Variants in MED13 observed in about 807,000 individuals in gnomAD.
MED13 encodes the protein mediator complex subunit 13, also known as mediator of RNA polymerase II transcription subunit 13.
Under a neutral mutation model 225.2 loss-of-function variants are expected in MED13, and 23 were observed. The observed-to-expected ratio is 0.10, with a 90% confidence interval of 0.07 to 0.14. The LOEUF (loss-of-function observed/expected upper bound fraction) is 0.14, where lower values mean the gene tolerates loss of function less well. Among genes scored for constraint, MED13 ranks in the 10% least tolerant of loss-of-function variants. The pLI is 1.00. For missense variants in MED13, 2,197 were observed against 2,594.5 expected (o/e 0.85, Z 3.33); for synonymous variants, 942 against 889.2 (o/e 1.06, Z -1.06).
At chr17:62,055,420 G>A (rs898508287) in intron 2 of MED13, among the ~76,000 whole-genome samples, 3 of 151,708 alleles carry the variant, frequency 2.0e-5, no homozygotes, top group African/African-American at 7.3e-5. Flanking sequence ...CTTTGCAATA[G>A]TAAAAGCTAA....
At chr17:61,958,715 C>T (rs756258552) in intron 23 of MED13, among the ~76,000 whole-genome samples, 46 of 152,008 alleles carry the variant, frequency 3.0e-4, no homozygotes, top group African/African-American at 1.0e-3. Context: ...TCAGGTGATC[C>T]GCCCACCTTG....
In MED13 at chr17:61,944,698, A is replaced by C. The variant is rs1370855826; in HGVS notation, c.*1770T>G. ...TTTCAGTAAAAAAAAAAACTAAAAC[A>C]AACACTGAAGTAGAGTTTTGTAAAT... On this transcript the variant is annotated 3_prime_UTR_variant, in exon 30 of 30. Coordinates refer to ENST00000397786, the MANE Select transcript of MED13 (RefSeq NM_005121.3). 2 of 152,600 alleles carry C rather than the reference A, an allele frequency of 1.3e-5. No individual in the cohort carries two copies. Among genetic ancestry groups the C allele is most frequent in the Admixed American group, 6.5e-5 (1 of 15,276 alleles). 9.5% of individuals were successfully genotyped at this position (152,600 alleles called of 1,614,324 possible). A position where few individuals can be genotyped will look rare whatever the true frequency, so the allele number is the denominator to read the frequency against.
intron 11 of MED13, among the ~76,000 whole-genome samples, chr17:61,988,551 A>G (rs1319123711): frequency 1.3e-5 from 2 of 152,188 alleles, no homozygotes; most frequent in African/African-American, 4.8e-5. Context: ...CATCTAAGAT[A>G]CTTACTAAAA....
chr17:62,005,538 G>A (rs181537154), intron 9 of MED13: 11 of 152,374 alleles, frequency 7.2e-5, no homozygotes, highest in East Asian at 5.8e-4. Context: ...CCTGGGAGGT[G>A]GAAGTTGCAG....
intron 16 of MED13, among the ~76,000 whole-genome samples, chr17:61,981,982 A>G (rs887856513): frequency 2.0e-5 from 3 of 152,232 alleles, no homozygotes; most frequent in Non-Finnish European, 4.4e-5. Context: ...TTCCTACATA[A>G]GTATATAATT....
At chr17:62,046,928 T>G (rs2080902717) in intron 3 of MED13, among the ~76,000 whole-genome samples, 1 of 151,494 alleles carries the variant, frequency 6.6e-6, no homozygotes. Context: ...CAATCCTAAC[T>G]CAATGCAGCC....
intron 17 of MED13, among the ~76,000 whole-genome samples, chr17:61,969,767 A>C (rs1056024192): frequency 2.6e-5 from 4 of 152,108 alleles, no homozygotes; most frequent in African/African-American, 9.6e-5. Flanking sequence ...ATACCGGGAT[A>C]ATTTTTGAAT....
At chr17:62,030,069 C>A in intron 6 of MED13, 56 bp from the exon 7 acceptor site, 1 of 1,366,232 alleles carries the variant, frequency 7.3e-7, no homozygotes, top group Non-Finnish European at 9.6e-7. Flanking sequence ...TTTAAAGTAA[C>A]ATTATTTGGG....
At chr17:62,036,554 T>G (rs2080805485) in intron 3 of MED13, among the ~76,000 whole-genome samples, 1 of 152,242 alleles carries the variant, frequency 6.6e-6, no homozygotes, top group African/African-American at 2.4e-5. Flanking sequence ...TTTTAAACTA[T>G]GATATTAATC....
chr17:62,030,782 CATGAA>C (rs1567989432), intron 6 of MED13: 1 of 152,212 alleles, frequency 6.6e-6, no homozygotes, highest in Non-Finnish European at 1.5e-5. Context: ...TAAACTGTTG[CATGAA>C]TCGATGGGTC....
At chr17:61,993,508 C>T (rs1184624887) in intron 10 of MED13, among the ~76,000 whole-genome samples, 1 of 151,814 alleles carries the variant, frequency 6.6e-6, no homozygotes, top group Non-Finnish European at 1.5e-5. Context: ...AGCCGGTTCA[C>T]GTTCTTTCTA....
At chr17:62,057,464 C>T (rs570557478) in intron 2 of MED13, among the ~76,000 whole-genome samples, 85 of 152,218 alleles carry the variant, frequency 5.6e-4, no homozygotes, top group African/African-American at 2.0e-3. Flanking sequence ...AGGAGACTAG[C>T]CAATTTAAAG....
intron 2 of MED13, among the ~76,000 whole-genome samples, chr17:62,062,200 T>G (rs1489529889): frequency 6.6e-6 from 1 of 152,204 alleles, no homozygotes; most frequent in African/African-American, 2.4e-5. Context: ...ACTATCTTAC[T>G]GAAGTCTTTG....
chr17:61,946,504 C>G lies in MED13; in HGVS notation c.6489G>C (p.Leu2163=), dbSNP rs777931615. The change falls in exon 30 of 30, where the codon CTG becomes CTC. Residue 2163 remains leucine, a synonymous_variant. Coordinates refer to ENST00000397786, the MANE Select transcript of MED13 (RefSeq NM_005121.3). ...RSCLPIHFVV[L]NQLYNFIMNM... Reference sequence around the variant, plus strand: ...TCATAATAAAGTTATATAACTGATTCAGCACCACAAAATGAATTGGGAGAC... The same window carrying G: ...TCATAATAAAGTTATATAACTGATTGAGCACCACAAAATGAATTGGGAGAC... The G allele has an allele frequency of 3.7e-6, 6 of 1,613,820 alleles. No individual in the cohort carries two copies. The highest frequency in any genetic ancestry group is 5.1e-6 in the Non-Finnish European group (6 of 1,179,772).
chr17:61,956,707 T>A (rs2079948468), intron 23 of MED13, among the ~76,000 whole-genome samples: 1 of 151,992 alleles, frequency 6.6e-6, no homozygotes, highest in African/African-American at 2.4e-5. Flanking sequence ...ACCCAGCTAA[T>A]TTTTTGTATT....
intron 8 of MED13, among the ~76,000 whole-genome samples, chr17:62,016,913 G>C (rs1376965738): frequency 2.6e-5 from 4 of 151,970 alleles, no homozygotes; most frequent in Non-Finnish European, 4.4e-5. Context: ...AGGAGGCTGA[G>C]GCAGGAGAAT....
At chr17:62,061,213 A>G (rs1462535577) in intron 2 of MED13, among the ~76,000 whole-genome samples, 1 of 152,034 alleles carries the variant, frequency 6.6e-6, no homozygotes, top group Non-Finnish European at 1.5e-5. Flanking sequence ...CTTTCACAAT[A>G]TTTTTTCTAT....
chr17:61,946,780 A>G, intron 29 of MED13, 137 bp downstream of exon 29: 1 of 1,074,494 alleles, frequency 9.3e-7, no homozygotes, highest in Non-Finnish European at 1.4e-6. Flanking sequence ...TACTCAAGTT[A>G]GAATAGCAGT....
chr17:61,997,672 G>A (rs1440956238), intron 9 of MED13, among the ~76,000 whole-genome samples: 1 of 152,126 alleles, frequency 6.6e-6, no homozygotes, highest in Non-Finnish European at 1.5e-5. Flanking sequence ...AGTCAGAAAT[G>A]AAAAGATTTT....
Sources: allele counts gnomAD v4.1 joint callset (sites outside exome capture counted in the v4.1 genomes callset), GRCh38; gene constraint gnomAD v4.1.1; transcripts MANE v1.5; gene names NCBI Gene and HGNC (gene_info 2026-07-23, HGNC 2026-07-21).